Variants in ERC2 observed in about 807,000 individuals in gnomAD.
ERC2 encodes ERC protein 2.
Under a neutral mutation model 114.8 loss-of-function variants are expected in ERC2, and 42 were observed. That is an observed-to-expected ratio of 0.37 (90% CI 0.29 to 0.47). ERC2 has a LOEUF of 0.47. ERC2 is among the 20% of genes least tolerant of loss of function. ERC2 has a pLI of 0.99. For missense variants in ERC2, 939 were observed against 1,150.7 expected, an observed-to-expected ratio of 0.82 and a Z score of 2.66; for synonymous variants, 454 against 425.5, an observed-to-expected ratio of 1.07 and a Z score of -0.82.
chr3:56,222,345 C>G (rs1420216471), intron 3 of ERC2, among the ~76,000 whole-genome samples: 1 of 152,162 alleles, frequency 6.6e-6, no homozygotes, highest in Non-Finnish European at 1.5e-5. Flanking sequence ...TCTTAGTTTC[C>G]CATGCAAACA....
intron 17 of ERC2, among the ~76,000 whole-genome samples, chr3:55,673,708 A>C (rs2148744162): frequency 6.6e-6 from 1 of 152,356 alleles, no homozygotes; most frequent in Non-Finnish European, 1.5e-5. Context: ...TAAAACCACA[A>C]ACCCAACACA....
intron 15 of ERC2, among the ~76,000 whole-genome samples, chr3:55,722,246 T>A (rs1048195307): frequency 1.3e-5 from 2 of 148,658 alleles, no homozygotes; most frequent in Non-Finnish European, 3.0e-5. Flanking sequence ...TAAAAAAAAA[T>A]AATAATGTCA....
At chr3:55,699,983 C>T (rs1231639811) in intron 15 of ERC2, among the ~76,000 whole-genome samples, 2 of 152,150 alleles carry the variant, frequency 1.3e-5, no homozygotes, top group African/African-American at 2.4e-5. Flanking sequence ...CAGAAAAATC[C>T]ACTTGAACGC....
At chr3:56,378,474 T>A (rs2059630177) in intron 2 of ERC2, among the ~76,000 whole-genome samples, 1 of 132,552 alleles carries the variant, frequency 7.5e-6, no homozygotes, top group Non-Finnish European at 1.6e-5. Flanking sequence ...TAATGCTACA[T>A]GACGAGTTGG....
chr3:56,002,757 G>A lies in ERC2; in HGVS notation c.2061+4424C>T, dbSNP rs28448651. Among the ~76,000 whole-genome samples the A allele has an allele frequency of 1.4e-3, 210 of 152,178 alleles. 1 individual carries two copies. Among genetic ancestry groups the A allele is most frequent in the African/African-American group, 4.9e-3 (204 of 41,532 alleles). On this transcript the variant is annotated intron_variant, in intron 10 of 17. Transcript: ENST00000288221. ...AATTGTTTGCTATTTTACAAATGTT[G>A]TTATCCCTTTCGGCCTAGATATGCT...
chr3:56,325,092 G>A (rs914052663), intron 2 of ERC2, among the ~76,000 whole-genome samples: 7 of 151,704 alleles, frequency 4.6e-5, no homozygotes, highest in African/African-American at 1.5e-4. Flanking sequence ...TAATTTGTGT[G>A]TCTATCTTCC....
At chr3:56,426,017 C>G (rs1249305050) in intron 2 of ERC2, among the ~76,000 whole-genome samples, 1 of 152,206 alleles carries the variant, frequency 6.6e-6, no homozygotes. Context: ...CCACCCATCA[C>G]ATCAACCGTC....
intron 1 of ERC2, among the ~76,000 whole-genome samples, chr3:56,439,201 TGAG>T (rs1177077996): frequency 6.6e-6 from 1 of 152,218 alleles, no homozygotes; most frequent in African/African-American, 2.4e-5. Context: ...TGCTAGCTAC[TGAG>T]GAGGCTGAGG....
intron 3 of ERC2, among the ~76,000 whole-genome samples, chr3:56,235,562 A>T (rs2050888058): frequency 6.6e-6 from 1 of 152,126 alleles, no homozygotes; most frequent in African/African-American, 2.4e-5. Flanking sequence ...TTGATAGGGC[A>T]TATGGTTTCT....
chr3:56,220,075 G>T (rs958738514), intron 3 of ERC2, among the ~76,000 whole-genome samples: 1 of 152,130 alleles, frequency 6.6e-6, no homozygotes, highest in Non-Finnish European at 1.5e-5. Context: ...CCTCTGAATG[G>T]CACAAAGACT....
intron 6 of ERC2, among the ~76,000 whole-genome samples, chr3:56,116,851 G>A (rs911314285): frequency 1.3e-5 from 2 of 152,102 alleles, no homozygotes; most frequent in Admixed American, 6.5e-5. Flanking sequence ...CTTCCTGGGG[G>A]ACCATGTTTA....
intron 6 of ERC2, among the ~76,000 whole-genome samples, chr3:56,138,050 T>TC (rs1491398756): frequency 6.7e-6 from 1 of 148,318 alleles, no homozygotes; most frequent in Non-Finnish European, 1.5e-5. Flanking sequence ...AAATGGTATT[T>TC]CTTTTTTTTT....
chr3:55,589,215 CAAAAAAAAAA>C (rs5849104), intron 17 of ERC2, among the ~76,000 whole-genome samples: 1 of 99,818 alleles, frequency 1.0e-5, no homozygotes, highest in African/African-American at 3.8e-5. Context: ...CAGTCACTAC[CAAAAAAAAAA>C]AAAAAAAAAG....
chr3:55,648,678 A>G (rs1045323529), intron 17 of ERC2, among the ~76,000 whole-genome samples: 1 of 152,186 alleles, frequency 6.6e-6, no homozygotes, highest in African/African-American at 2.4e-5. Flanking sequence ...CCCATGGAGA[A>G]AGACCATCAG....
chr3:55,789,915 A>G (rs2069848504), intron 14 of ERC2, among the ~76,000 whole-genome samples: 1 of 152,138 alleles, frequency 6.6e-6, no homozygotes, highest in Non-Finnish European at 1.5e-5. Flanking sequence ...GTCAGCCTGA[A>G]AAGAGGCTGT....
intron 14 of ERC2, among the ~76,000 whole-genome samples, chr3:55,816,783 G>A (rs770680411): frequency 2.0e-5 from 3 of 151,412 alleles, no homozygotes; most frequent in South Asian, 2.1e-4. Flanking sequence ...AAAAAAAAAC[G>A]AAAAACACCC....
chr3:55,691,231 ATCTT>A (rs1196546300), intron 16 of ERC2, among the ~76,000 whole-genome samples: 2 of 152,132 alleles, frequency 1.3e-5, no homozygotes, highest in East Asian at 1.9e-4. Context: ...CATCTGCGAT[ATCTT>A]TCTATTTCTT....
At chr3:55,768,320 A>G (rs373814139) in intron 14 of ERC2, among the ~76,000 whole-genome samples, 13 of 152,358 alleles carry the variant, frequency 8.5e-5, no homozygotes, top group Admixed American at 6.5e-4. Context: ...CTGGGAATCC[A>G]TAAGTCAGTG....
chr3:56,348,944 GAAGGA>G lies in ERC2; in HGVS notation c.658-52514_658-52510del, dbSNP rs1162533443. Among the ~76,000 whole-genome samples, 70 of 137,360 alleles carry G rather than the reference GAAGGA, an allele frequency of 5.1e-4. 2 individuals carry two copies. Among genetic ancestry groups the G allele is most frequent in the African/African-American group, 1.8e-3 (63 of 34,058 alleles). The allele number at this position is 137,360 out of a possible 152,430, so 90.1% of individuals were successfully genotyped here. ...GGAAGGAAGGAAGGAAGGAAGGAAG[GAAGGA>G]AGGAAGGAAAGAAAGAAAGAAGGAA... On this transcript the variant is annotated intron_variant, in intron 2 of 17. Coordinates refer to ENST00000288221, the MANE Select transcript of ERC2 (RefSeq NM_015576.3).
Sources: allele counts gnomAD v4.1 joint callset (sites outside exome capture counted in the v4.1 genomes callset), GRCh38; gene constraint gnomAD v4.1.1; transcripts MANE v1.5; gene names NCBI Gene and HGNC (gene_info 2026-07-23, HGNC 2026-07-21).